RIMS4: variants seen among roughly 807,000 people sequenced by gnomAD.
RIMS4 encodes regulating synaptic membrane exocytosis protein 4.
RIMS4 carries 9 observed loss-of-function variants against 29.0 expected under a neutral mutation model. The ratio of observed to expected loss-of-function variants is 0.31; its 90% CI spans 0.19 to 0.54. The LOEUF (loss-of-function observed/expected upper bound fraction) is 0.54. Among genes scored for constraint, RIMS4 ranks in the 20% least tolerant of loss-of-function variants. The pLI is 0.94. For missense variants in RIMS4, 193 were observed against 365.7 expected (o/e 0.53, Z 3.85); for synonymous variants, 130 against 152.9 (o/e 0.85, Z 1.10).
intron 1 of RIMS4, among the ~76,000 whole-genome samples, chr20:44,772,576 G>A (rs777601872): frequency 7.2e-5 from 11 of 152,210 alleles, no homozygotes; most frequent in African/African-American, 1.7e-4. Flanking sequence ...CGCCCATAGA[G>A]CTAGTAAGGT....
intron 2 of RIMS4, among the ~76,000 whole-genome samples, chr20:44,768,533 A>G (rs1013976955): frequency 1.1e-4 from 16 of 152,214 alleles, no homozygotes; most frequent in Non-Finnish European, 1.9e-4. Flanking sequence ...CAGAACAAGA[A>G]GTCTGACCAC....
chr20:44,792,675 A>G (rs993596822), intron 1 of RIMS4, among the ~76,000 whole-genome samples: 2 of 152,186 alleles, frequency 1.3e-5, no homozygotes, highest in Non-Finnish European at 1.5e-5. Flanking sequence ...AATGGGTATG[A>G]CAATGGTATA....
At chr20:44,788,207 T>TC (rs2066217043) in intron 1 of RIMS4, among the ~76,000 whole-genome samples, 1 of 152,068 alleles carries the variant, frequency 6.6e-6, no homozygotes, top group Admixed American at 6.6e-5. Context: ...ACATCTGGAG[T>TC]AGCCATTAGC....
chr20:44,789,690 G>A (rs2066224518), intron 1 of RIMS4, among the ~76,000 whole-genome samples: 2 of 152,164 alleles, frequency 1.3e-5, no homozygotes, highest in African/African-American at 4.8e-5. Flanking sequence ...TGAGCAGCTA[G>A]GACTATAAGC....
rs554360558 is a variant in RIMS4, at chr20:44,782,916, C to G, written c.98-11503G>C. Reference sequence around the variant, plus strand: ...AAGGTAGCATATTAGCCCATGATAGCACAGATCCATGTTAACTGTGAAATA... The same window carrying G: ...AAGGTAGCATATTAGCCCATGATAGGACAGATCCATGTTAACTGTGAAATA... On this transcript the variant is annotated intron_variant, in intron 1 of 5. Transcript: ENST00000372851. Among the ~76,000 whole-genome samples, 9 of 152,330 alleles carry G rather than the reference C, an allele frequency of 5.9e-5. 1 individual carries two copies. The South Asian group carries it at 1.7e-3, about 28-fold the overall frequency.
chr20:44,790,344 G>A (rs1446280681), intron 1 of RIMS4, among the ~76,000 whole-genome samples: 6 of 152,126 alleles, frequency 3.9e-5, no homozygotes. Context: ...GCATGCTCTG[G>A]CCAGGCACTG....
rs114557103 is a variant in RIMS4 at position 44,802,007 on chromosome 20, T to C, written c.97+8168A>G. ...GCATCACGTGGGAACTTGTTAGCAA[T>C]GAAATCCTCAAGTCCCTCCTGCCCC... On this transcript the variant is annotated intron_variant, in intron 1 of 5. Transcript: ENST00000372851. Among the ~76,000 whole-genome samples the C allele has an allele frequency of 5.0e-3, 768 of 152,254 alleles. 4 individuals are homozygous for C. The highest frequency in any genetic ancestry group is 0.018 in the African/African-American group (728 of 41,544).
intron 1 of RIMS4, among the ~76,000 whole-genome samples, chr20:44,783,002 A>G (rs1030185264): frequency 6.6e-6 from 1 of 152,226 alleles, no homozygotes; most frequent in Admixed American, 6.5e-5. Flanking sequence ...AACGACTGTC[A>G]CAGTAAGATA....
At chr20:44,808,575 G>A (rs1283402683) in intron 1 of RIMS4, among the ~76,000 whole-genome samples, 1 of 152,218 alleles carries the variant, frequency 6.6e-6, no homozygotes, top group Non-Finnish European at 1.5e-5. Flanking sequence ...CATGAAGGCA[G>A]AAGTTAAACC....
At chr20:44,769,070 G>GCTA (rs2066125869) in intron 2 of RIMS4, among the ~76,000 whole-genome samples, 2 of 152,152 alleles carry the variant, frequency 1.3e-5, no homozygotes, top group South Asian at 4.1e-4. Context: ...AAGCCACACA[G>GCTA]CTACTAAGAA....
rs1447831129 is a variant in RIMS4, at chr20:44,755,991, AG to A, written c.*142del. 1.3e-5 allele frequency: 9 copies of A among 679,168 alleles called. No homozygotes were observed. Among genetic ancestry groups the A allele is most frequent in the South Asian group, 3.8e-5 (2 of 52,872 alleles). 42.1% of individuals were successfully genotyped at this position (679,168 alleles called of 1,614,324 possible). A position where few individuals can be genotyped will look rare whatever the true frequency, so the allele number is the denominator to read the frequency against. On this transcript the variant is annotated 3_prime_UTR_variant, in exon 6 of 6. Coordinates refer to ENST00000372851, the MANE Select transcript of RIMS4 (RefSeq NM_182970.4). Reference sequence around the variant, plus strand: ...CAAAGAAGGGGTGAGGAGGGGCCCAAGGGGGGGCAGGTCTCCCCGTTCTGCT... The same window carrying A: ...CAAAGAAGGGGTGAGGAGGGGCCCAAGGGGGGCAGGTCTCCCCGTTCTGCT...
At chr20:44,792,348 A>G (rs1345979160) in intron 1 of RIMS4, among the ~76,000 whole-genome samples, 3 of 151,414 alleles carry the variant, frequency 2.0e-5, no homozygotes, top group Admixed American at 1.3e-4. Context: ...GCTGGAGTAC[A>G]GTGGTGTGAT....
chr20:44,780,336 G>A (rs1016943397), intron 1 of RIMS4, among the ~76,000 whole-genome samples: 4 of 152,210 alleles, frequency 2.6e-5, no homozygotes, highest in Admixed American at 6.5e-5. Context: ...AAGAACTGGC[G>A]TGTGCAGGAA....
rs2066053042 is a variant in RIMS4, at chr20:44,755,101, T to C, written c.*1033A>G. On this transcript the variant is annotated 3_prime_UTR_variant, in exon 6 of 6. Transcript: ENST00000372851. ...AGGCCGGGGCAGTGGGTTCTGCCCT[T>C]AGTATAGGATGTTTTTTTTAAAAAG... 6.6e-6 allele frequency: 1 copy of C among 152,604 alleles called. No homozygotes were observed. Among genetic ancestry groups the C allele is most frequent in the African/African-American group, 2.4e-5 (1 of 41,430 alleles). 9.5% of individuals were successfully genotyped at this position (152,604 alleles called of 1,614,324 possible). A position where few individuals can be genotyped will look rare whatever the true frequency, so the allele number is the denominator to read the frequency against.
In RIMS4 at chr20:44,807,251, G is replaced by A. The variant is rs116111621; in HGVS notation, c.97+2924C>T. ...ATGACCAGCATCCTGGGCCCACGGC[G>A]GGCTAGAAAGAGGTGTGAAGAAGGC... is the stretch of plus-strand genomic sequence containing the variant. On this transcript the variant is annotated intron_variant, in intron 1 of 5. Coordinates refer to ENST00000372851, the MANE Select transcript of RIMS4 (RefSeq NM_182970.4). Among the ~76,000 whole-genome samples the A allele has an allele frequency of 3.7e-3, 570 of 152,298 alleles. 3 individuals carry two copies. Among genetic ancestry groups the A allele is most frequent in the African/African-American group, 0.013 (546 of 41,554 alleles).
chr20:44,778,250 A>G (rs1042125308), intron 1 of RIMS4, among the ~76,000 whole-genome samples: 41 of 152,224 alleles, frequency 2.7e-4, no homozygotes, highest in African/African-American at 9.4e-4. Context: ...CTGGAGCTAT[A>G]GGAATCTGCC....
Position 44,788,920 on chromosome 20 carries a change from T to C in RIMS4, c.98-17507A>G, listed in dbSNP as rs116239114. Among the ~76,000 whole-genome samples the C allele has an allele frequency of 5.1e-3, 770 of 152,182 alleles. 4 individuals are homozygous for C. Among genetic ancestry groups the C allele is most frequent in the African/African-American group, 0.018 (730 of 41,516 alleles). On this transcript the variant is annotated intron_variant, in intron 1 of 5. Coordinates refer to ENST00000372851, the MANE Select transcript of RIMS4 (RefSeq NM_182970.4). ...ATGTATTAAGCACTCAATAAAAATG[T>C]CTTGGATGTTGAATTTACCATGAAA...
intron 1 of RIMS4, among the ~76,000 whole-genome samples, chr20:44,775,759 C>A (rs2066157530): frequency 6.6e-6 from 1 of 152,208 alleles, no homozygotes. Context: ...CTAAGACAGG[C>A]TGGCACCCTA....
chr20:44,772,230 C>G (rs955364752), intron 1 of RIMS4, among the ~76,000 whole-genome samples: 1 of 152,130 alleles, frequency 6.6e-6, no homozygotes, highest in African/African-American at 2.4e-5. Flanking sequence ...CCTGGCCCCT[C>G]CAAAACAGCA....
Sources: allele counts gnomAD v4.1 joint callset (sites outside exome capture counted in the v4.1 genomes callset), GRCh38; gene constraint gnomAD v4.1.1; transcripts MANE v1.5; gene names NCBI Gene and HGNC (gene_info 2026-07-23, HGNC 2026-07-21).